The following SYNPR variants were observed in gnomAD, a reference collection of about 807,000 sequenced individuals.
SYNPR encodes the protein synaptoporin.
In SYNPR, 23 loss-of-function variants were observed where a neutral mutation model predicts 32.9. The observed-to-expected ratio is 0.70, with a 90% CI of 0.50 to 0.99. The LOEUF (loss-of-function observed/expected upper bound fraction) is 0.99. SYNPR is among the 50% of genes least tolerant of loss of function. The pLI is 0.00. For synonymous variants in SYNPR, 146 were observed against 135.9 expected (o/e 1.07, Z -0.52); for missense variants, 318 against 349.3 (o/e 0.91, Z 0.71).
Position 63,307,522 on chromosome 3 carries a change from C to T in SYNPR, c.84+28780C>T, listed in dbSNP as rs2086920197. Among the ~76,000 whole-genome samples the T allele has an allele frequency of 2.0e-5, 3 of 152,110 alleles. No homozygotes were observed. In the South Asian group the frequency reaches 6.2e-4, roughly 32 times the overall value. On this transcript the variant is annotated intron_variant, in intron 2 of 5. Transcript: ENST00000478300. Reference sequence around the variant, plus strand: ...GCATTGACTGACATTGTAATTTCAGCAATGTTTCCTTCTCCTCTTGGCTTG... The same window carrying T: ...GCATTGACTGACATTGTAATTTCAGTAATGTTTCCTTCTCCTCTTGGCTTG...
chr3:63,471,770 AT>A (rs1371630272), intron 2 of SYNPR, among the ~76,000 whole-genome samples: 5 of 152,160 alleles, frequency 3.3e-5, no homozygotes, highest in Non-Finnish European at 5.9e-5. Flanking sequence ...TTCAAGACAA[AT>A]CATGAAAGGA....
chr3:63,356,128 T>C (rs2087574748), intron 2 of SYNPR, among the ~76,000 whole-genome samples: 1 of 152,216 alleles, frequency 6.6e-6, no homozygotes, highest in South Asian at 2.1e-4. Context: ...TTACTACTTA[T>C]ACTTTAAATT....
chr3:63,344,535 G>A (rs2087411597), intron 2 of SYNPR, among the ~76,000 whole-genome samples: 2 of 146,242 alleles, frequency 1.4e-5, no homozygotes, highest in South Asian at 2.2e-4. Flanking sequence ...AGAAACAGGT[G>A]CATATTCAAA....
intron 4 of SYNPR, among the ~76,000 whole-genome samples, chr3:63,585,448 T>TGC (rs966410175): frequency 1.0e-4 from 1 of 9,904 alleles, no homozygotes; most frequent in African/African-American, 1.3e-3. Context: ...TGTATATCCA[T>TGC]GCCCCCCCCC....
intron 2 of SYNPR, among the ~76,000 whole-genome samples, chr3:63,290,309 T>A (rs2106929369): frequency 6.6e-6 from 1 of 152,272 alleles, no homozygotes; most frequent in Non-Finnish European, 1.5e-5. Flanking sequence ...CCATTAATAG[T>A]AATCACTCAT....
At chr3:63,572,048 T>C (rs1210199645) in intron 4 of SYNPR, among the ~76,000 whole-genome samples, 1 of 152,198 alleles carries the variant, frequency 6.6e-6, no homozygotes, top group Non-Finnish European at 1.5e-5. Context: ...TGTACATGGC[T>C]CTTTAACTAA....
chr3:63,587,715 T>G (rs1038985546), intron 4 of SYNPR, among the ~76,000 whole-genome samples: 2 of 152,100 alleles, frequency 1.3e-5, no homozygotes, highest in Non-Finnish European at 2.9e-5. Context: ...TTTTGTTTTA[T>G]TTTTTAATTT....
chr3:63,448,098 G>A (rs1700312994), intron 2 of SYNPR, among the ~76,000 whole-genome samples: 1 of 152,110 alleles, frequency 6.6e-6, no homozygotes, highest in African/African-American at 2.4e-5. Context: ...CAGCCTCCCG[G>A]GTTCAAGTGA....
At chr3:63,478,913 C>T (rs1184988071) in intron 2 of SYNPR, among the ~76,000 whole-genome samples, 1 of 152,110 alleles carries the variant, frequency 6.6e-6, no homozygotes, top group Non-Finnish European at 1.5e-5. Flanking sequence ...AGCATTGAAC[C>T]ATTAAAATCA....
chr3:63,324,584 C>T (rs1446428217), intron 2 of SYNPR, among the ~76,000 whole-genome samples: 1 of 152,038 alleles, frequency 6.6e-6, no homozygotes, highest in Non-Finnish European at 1.5e-5. Flanking sequence ...GATGTGTGGT[C>T]CAGGTGAGTG....
chr3:63,409,774 C>T (rs2088436907), intron 2 of SYNPR, among the ~76,000 whole-genome samples: 1 of 152,122 alleles, frequency 6.6e-6, no homozygotes, highest in Non-Finnish European at 1.5e-5. Flanking sequence ...TTTCTGCTGT[C>T]CATTATATAT....
chr3:63,561,159 A>T (rs1702682377), intron 4 of SYNPR, among the ~76,000 whole-genome samples: 1 of 152,204 alleles, frequency 6.6e-6, no homozygotes, highest in Non-Finnish European at 1.5e-5. Context: ...TTTCATCTCA[A>T]TTTATAGTCC....
chr3:63,447,653 T>C (rs1700303100), intron 2 of SYNPR, among the ~76,000 whole-genome samples: 1 of 152,172 alleles, frequency 6.6e-6, no homozygotes, highest in South Asian at 2.1e-4. Flanking sequence ...TGTCTTTAAA[T>C]GTTTAAAGAT....
chr3:63,604,246 C>T (rs1375520233), intron 4 of SYNPR, among the ~76,000 whole-genome samples: 1 of 152,078 alleles, frequency 6.6e-6, no homozygotes, highest in Non-Finnish European at 1.5e-5. Context: ...TTGTTCTTTA[C>T]AAGTCTAGCT....
chr3:63,400,160 G>A (rs961733120), intron 2 of SYNPR, among the ~76,000 whole-genome samples: 1 of 152,204 alleles, frequency 6.6e-6, no homozygotes, highest in African/African-American at 2.4e-5. Flanking sequence ...TTACACAGCA[G>A]TAGCTAATGG....
intron 4 of SYNPR, among the ~76,000 whole-genome samples, chr3:63,557,807 A>G (rs1309133095): frequency 6.6e-6 from 1 of 152,238 alleles, no homozygotes; most frequent in African/African-American, 2.4e-5. Context: ...GGAAAAATGG[A>G]AATGAAATTT....
chr3:63,478,260 A>G (rs1327706113), intron 2 of SYNPR, among the ~76,000 whole-genome samples: 1 of 152,212 alleles, frequency 6.6e-6, no homozygotes, highest in Non-Finnish European at 1.5e-5. Context: ...CTTACTGTAT[A>G]TAAAGCACTT....
At chr3:63,530,472 G>C (rs1702092099) in intron 3 of SYNPR, among the ~76,000 whole-genome samples, 2 of 152,172 alleles carry the variant, frequency 1.3e-5, no homozygotes, top group African/African-American at 4.8e-5. Flanking sequence ...AATAATACCA[G>C]CCTCTCAGGA....
intron 3 of SYNPR, among the ~76,000 whole-genome samples, chr3:63,540,930 AACAC>A (rs58295090): frequency 0.11 from 13,580 of 122,784 alleles, 880 homozygotes; most frequent in Middle Eastern, 0.23. Context: ...TCCCCCCCCC[AACAC>A]ACACACACAC....
Sources: gnomAD v4.1 joint callset for allele counts (sites outside exome capture counted in the v4.1 genomes callset) on GRCh38, gnomAD v4.1.1 for gene constraint, MANE v1.5 for transcripts, NCBI Gene and HGNC (gene_info 2026-07-23, HGNC 2026-07-21) for gene names.